The following RAPGEFL1 variants were observed in gnomAD, a reference collection of about 807,000 sequenced individuals.
RAPGEFL1 encodes the protein rap guanine nucleotide exchange factor-like 1.
RAPGEFL1 carries 31 observed loss-of-function variants against 64.4 expected under a neutral mutation model. The observed-to-expected ratio is 0.48, with a 90% CI of 0.36 to 0.65. RAPGEFL1 has a LOEUF of 0.65. Among genes scored for constraint, RAPGEFL1 ranks in the 30% least tolerant of loss-of-function variants. RAPGEFL1 has a pLI of 0.00. For synonymous variants in RAPGEFL1, 331 were observed against 274.1 expected (o/e 1.21, Z -2.05); for missense variants, 682 against 677.4 (o/e 1.01, Z -0.08).
At chr17:40,189,641 C>T (rs1990193243) in intron 6 of RAPGEFL1, among the ~76,000 whole-genome samples, 1 of 151,930 alleles carries the variant, frequency 6.6e-6, no homozygotes, top group Admixed American at 6.6e-5. Context: ...ATTATGATTG[C>T]ACCTGTGAAT....
At chr17:40,177,427 C>G, upstream of RAPGEFL1, 3 of 445,678 alleles carry the variant, frequency 6.7e-6, no homozygotes, top group Non-Finnish European at 4.5e-6. Flanking sequence ...GGGGCGGGGA[C>G]TGGGCGGGGA....
rs371200373 is a variant in RAPGEFL1, at chr17:40,191,487, G to A, written c.1507G>A (p.Ala503Thr). ...GCTGCTCAAGAAGTTCATCAAGATCGCGGCCCTGTGAGTGCGGCCGTCGGC... is the reference window on the plus strand; with the variant it reads ...GCTGCTCAAGAAGTTCATCAAGATCACGGCCCTGTGAGTGCGGCCGTCGGC... ...AQLLKKFIKI[A>T]ALCKQNQDLL... The change falls in exon 9 of 15, where the codon GCG becomes ACG. Residue 503 changes from alanine (A) to threonine (T), a missense_variant. Ala to Thr is a moderately conservative substitution (Grantham distance 58). Coordinates refer to ENST00000620260, the MANE Select transcript of RAPGEFL1 (RefSeq NM_016339.6). This position sits in a 1 kb window ranked among gnomAD's most constrained non-coding sequence, Gnocchi z 5.1. The A allele has an allele frequency of 1.9e-6, 3 of 1,604,538 alleles. No individual in the cohort carries two copies. Among genetic ancestry groups the A allele is most frequent in the Non-Finnish European group, 2.5e-6 (3 of 1,177,464 alleles).
chr17:40,177,353 C>T, upstream of RAPGEFL1: 2 of 698,500 alleles, frequency 2.9e-6, no homozygotes, highest in Non-Finnish European at 2.6e-6. Context: ...CTGTTTCCCT[C>T]GCGGTCAACC....
Position 40,184,268 on chromosome 17 carries a change from C to G in RAPGEFL1, c.654C>G (p.Ala218=), listed in dbSNP as rs1055943686. 6.2e-7 allele frequency: 1 copy of G among 1,613,856 alleles called. No homozygotes were observed. The highest frequency in any genetic ancestry group is 2.2e-5 in the East Asian group (1 of 44,858). Residue 218 remains alanine (A), a synonymous_variant, in exon 3 of 15, where the codon GCC becomes GCG. Coordinates refer to ENST00000620260, the MANE Select transcript of RAPGEFL1 (RefSeq NM_016339.6). ...CTGAAGGGCTGGGCCGGAAGCAAGC[C>G]TGTCTAGCCATGCTTCTCCATTTCT... ...EGPEGLGRKQ[A]CLAMLLHFLD...
At position 40,184,282 on chromosome 17, in the gene RAPGEFL1, T is replaced by C. The variant is rs1430843883; in HGVS notation, c.668T>C (p.Leu223Pro). 6.2e-7 allele frequency: 1 copy of C among 1,613,816 alleles called. No individual in the cohort carries two copies. The highest frequency in any genetic ancestry group is 2.2e-5 in the East Asian group (1 of 44,868). Reference protein sequence around the residue: ...LGRKQACLAMLLHFLDTYQGL... With the variant: ...LGRKQACLAMPLHFLDTYQGL... Reference sequence around the variant, plus strand: ...CGGAAGCAAGCCTGTCTAGCCATGCTTCTCCATTTCTTGGACACCTACCAG... The same window carrying C: ...CGGAAGCAAGCCTGTCTAGCCATGCCTCTCCATTTCTTGGACACCTACCAG... The change falls in exon 3 of 15, where the codon CTT (leucine) becomes CCT (proline). Residue 223 changes from leucine to proline, a missense_variant. By Grantham distance (98) the Leu-to-Pro change is moderately conservative (BLOSUM62 -3). Around this residue, in one of 2 missense-constraint regions of RAPGEFL1, gnomAD observed 271 missense variants for 158.0 expected, o/e 1.72. Transcript: ENST00000620260.
chr17:40,181,380 G>GCC (rs769981051), intron 1 of RAPGEFL1: 1 of 629,474 alleles, frequency 1.6e-6, no homozygotes, highest in Admixed American at 2.1e-5. Flanking sequence ...AAAGGCACGC[G>GCC]CCCCCCCCTT....
chr17:40,185,846 C>T (rs1044422861), intron 4 of RAPGEFL1, among the ~76,000 whole-genome samples: 2 of 150,980 alleles, frequency 1.3e-5, no homozygotes, highest in Non-Finnish European at 2.9e-5. Flanking sequence ...TGCCTGTAGT[C>T]CCAGCTACTC....
chr17:40,178,506 C>G (rs2145197678), intron 1 of RAPGEFL1, 125 bp downstream of exon 1: 1 of 417,382 alleles, frequency 2.4e-6, no homozygotes, highest in East Asian at 3.6e-5. Flanking sequence ...TCCGCGGAAG[C>G]CGGCTAGGGG....
rs749185939 is a variant in RAPGEFL1, at chr17:40,193,779, C to T, written c.1980C>T (p.Asn660=). ...AGCTCTCCTACAAGCTGGAGGCAAA[C>T]AGTCAGTGAGAGTGGAGGCTCCAGT... ...LFELSYKLEA[N]SQ is the part of the protein sequence containing the mutation. Residue 660 remains asparagine (N), a synonymous_variant, in exon 15 of 15, where the codon AAC becomes AAT. Transcript: ENST00000620260. 4.8e-5 allele frequency: 78 copies of T among 1,614,048 alleles called. No homozygotes were observed. In the East Asian group the frequency reaches 1.7e-3, roughly 35 times the overall value.
In RAPGEFL1 at chr17:40,190,767, G is replaced by A. The variant is rs775430226; in HGVS notation, c.1335+5G>A. ...CTGTTCCGATGTGTGCATGAGGTGG[G>A]GACCGAGGCTGGTGCTATGCTGGGG... On this transcript the variant is annotated splice_donor_5th_base_variant and intron_variant, in intron 8 of 14. Transcript: ENST00000620260. 1.2e-6 allele frequency: 2 copies of A among 1,614,032 alleles called. No homozygotes were observed. The highest frequency in any genetic ancestry group is 2.2e-5 in the South Asian group (2 of 91,064).
rs1324452631 is a variant in RAPGEFL1, at chr17:40,191,035, C to T, written c.1335+273C>T. On this transcript the variant is annotated intron_variant, in intron 8 of 14. Transcript: ENST00000620260. This position sits in a 1 kb window ranked among gnomAD's most constrained non-coding sequence, Gnocchi z 5.1. The stretch of plus-strand genomic sequence containing the variant: ...TCACTATTAAAGAAATAAAATAAGG[C>T]AGAGACAATAATGCCTAGCAGATGG... The T allele has an allele frequency of 1.7e-6, 1 of 598,104 alleles. No individual in the cohort carries two copies. Among genetic ancestry groups the T allele is most frequent in the Non-Finnish European group, 2.9e-6 (1 of 347,642 alleles). The allele number at this position is 598,104 out of a possible 1,614,324, so 37.0% of individuals were successfully genotyped here.
Position 40,192,243 on chromosome 17 carries a change from C to T in RAPGEFL1, c.1636C>T (p.Arg546Cys), listed in dbSNP as rs571429926. The change falls in exon 11 of 15, where the codon CGC becomes TGC. Residue 546 changes from arginine (R) to cysteine (C), a missense_variant. Transcript: ENST00000620260. ...GCCAGGGAAATTCAAGAACTTGTTT[C>T]GCAAATTTGAGAACCTGACGGTGAG... ...KLPGKFKNLF[R>C]KFENLTDPCR... 6 of 1,614,066 alleles carry T rather than the reference C, an allele frequency of 3.7e-6. No homozygotes were observed. The highest frequency in any genetic ancestry group is 2.2e-5 in the East Asian group (1 of 44,882).
chr17:40,190,589 C>A, intron 7 of RAPGEFL1, 51 bp from the exon 8 acceptor site: 1 of 1,614,054 alleles, frequency 6.2e-7, no homozygotes, highest in Non-Finnish European at 8.5e-7. Flanking sequence ...TGTGAGCAAT[C>A]CCTCACCCTG....
rs770638554 is a variant in RAPGEFL1, at chr17:40,190,631, T to G, written c.1213-9T>G. 6.2e-7 allele frequency: 1 copy of G among 1,614,022 alleles called. No individual in the cohort carries two copies. Among genetic ancestry groups the G allele is most frequent in the Non-Finnish European group, 8.5e-7 (1 of 1,179,916 alleles). ...GGAGCCCAGCCCCTATGCCCCTGCC[T>G]GCCACCAGGTGCCCCTCCCCGAGGA... On this transcript the variant is annotated splice_polypyrimidine_tract_variant and intron_variant, in intron 7 of 14. Coordinates refer to ENST00000620260, the MANE Select transcript of RAPGEFL1 (RefSeq NM_016339.6).
At chr17:40,179,572 T>A (rs1294693129) in intron 1 of RAPGEFL1, among the ~76,000 whole-genome samples, 1 of 150,122 alleles carries the variant, frequency 6.7e-6, no homozygotes, top group Admixed American at 6.7e-5. Context: ...ATTCCCTAAA[T>A]GATGATACTA....
At position 40,193,374 on chromosome 17, in the gene RAPGEFL1, C is replaced by T. The variant is rs776571817; in HGVS notation, c.1821C>T (p.Ala607=). The change falls in exon 14 of 15, where the codon GCC becomes GCT. Residue 607 remains alanine (A), a synonymous_variant. Transcript: ENST00000620260. ...LVNIEKLHSV[A]EKVRTIRKYR... is the part of the protein sequence containing the mutation. ...TTGTCATCTCCCAGCATTCAGTGGC[C>T]GAAAAAGTGAGGACAATCCGCAAAT... The T allele has an allele frequency of 8.1e-6, 13 of 1,613,920 alleles. No individual in the cohort carries two copies. The Admixed American group carries it at 1.0e-4, about 12-fold the overall frequency.
intron 10 of RAPGEFL1, 28 bp from the exon 11 acceptor site, chr17:40,192,185 T>C (rs1361613294): frequency 1.2e-6 from 2 of 1,608,072 alleles, no homozygotes; most frequent in Middle Eastern, 1.7e-4. Flanking sequence ...CACTCTGATA[T>C]CCCTTCTCCT....
chr17:40,179,309 A>G (rs946502123), intron 1 of RAPGEFL1, among the ~76,000 whole-genome samples: 1 of 152,036 alleles, frequency 6.6e-6, no homozygotes, highest in East Asian at 1.9e-4. Context: ...CTCGTGATCC[A>G]CCTGCCTTGG....
intron 4 of RAPGEFL1, among the ~76,000 whole-genome samples, chr17:40,185,540 A>AT (rs368909635): frequency 0.024 from 3,478 of 147,378 alleles, 239 homozygotes; most frequent in African/African-American, 0.085. Context: ...AAAAAAAAAA[A>AT]GGCTGTGTGC....
Sources: allele counts gnomAD v4.1 joint callset (sites outside exome capture counted in the v4.1 genomes callset), GRCh38; gene constraint gnomAD v4.1.1; regional missense constraint gnomAD v4.1.1; non-coding constraint Gnocchi (gnomAD v3.1); transcripts MANE v1.5; gene names NCBI Gene and HGNC (gene_info 2026-07-23, HGNC 2026-07-21).